XPA: variants seen among roughly 807,000 people sequenced by gnomAD.
XPA encodes XPA, DNA damage recognition and repair factor, also known as DNA repair protein complementing XP-A cells.
In XPA, 27 loss-of-function variants were observed where a neutral mutation model predicts 35.7. The observed-to-expected ratio is 0.76, with a 90% confidence interval of 0.56 to 1.04. The LOEUF is 1.04. Among genes scored for constraint, XPA ranks in the 50% least tolerant of loss-of-function variants. The pLI, the probability that XPA is intolerant of heterozygous loss-of-function variation, is 0.00. For synonymous variants in XPA, 133 were observed against 118.4 expected, an observed-to-expected ratio of 1.12 and a Z score of -0.80; for missense variants, 354 against 342.7, an observed-to-expected ratio of 1.03 and a Z score of -0.26.
chr9:97,670,480 A>G (rs1828156284), downstream of XPA, among the ~76,000 whole-genome samples: 1 of 152,052 alleles, frequency 6.6e-6, no homozygotes, highest in South Asian at 2.1e-4. Context: ...TTCGGACACT[A>G]CTCCCCTAAA....
At chr9:97,691,886 AATAT>A (rs55944336) in intron 2 of XPA, among the ~76,000 whole-genome samples, 30,767 of 124,332 alleles carry the variant, frequency 0.25, 3,850 homozygotes, top group Non-Finnish European at 0.3. Context: ...TTTCTAAATA[AATAT>A]ATATATATAT....
chr9:97,687,085 T>C lies in XPA; in HGVS notation c.555+11A>G. 6.2e-7 allele frequency: 1 copy of C among 1,604,564 alleles called. No individual in the cohort carries two copies. The highest frequency in any genetic ancestry group is 8.5e-7 in the Non-Finnish European group (1 of 1,177,134). ...CAGAGTGAAAAATAATAAATACAAC[T>C]TATTAGAGACCTGTAACTTTAAGTA... On this transcript the variant is annotated intron_variant, in intron 4 of 5. Coordinates refer to ENST00000375128, the MANE Select transcript of XPA (RefSeq NM_000380.4).
chr9:97,671,897 A>AG (rs1241886819), downstream of XPA: 1 of 152,202 alleles, frequency 6.6e-6, no homozygotes, highest in Non-Finnish European at 1.5e-5. Flanking sequence ...TAATCCTTAA[A>AG]GTTTCCCCAG....
chr9:97,655,023 T>C, the XPA span: 1 of 1,200,738 alleles, frequency 8.3e-7, no homozygotes, highest in Non-Finnish European at 1.1e-6. Context: ...GAGAAAGACA[T>C]TTTTAAGAAT....
intron 5 of XPA, among the ~76,000 whole-genome samples, chr9:97,676,614 G>A (rs930146611): frequency 5.9e-5 from 9 of 152,080 alleles, no homozygotes; most frequent in African/African-American, 2.2e-4. Flanking sequence ...CAGCTTTTAT[G>A]AGGATGAAAA....
chr9:97,660,089 A>AAT, the XPA span, among the ~76,000 whole-genome samples: 3 of 152,286 alleles, frequency 2.0e-5, no homozygotes, highest in South Asian at 6.2e-4. Context: ...GTCTAATGTG[A>AAT]ATATCTTGGT....
the XPA span, chr9:97,654,764 G>C: frequency 8.9e-6 from 8 of 898,520 alleles, no homozygotes; most frequent in Non-Finnish European, 3.5e-6. Context: ...TGTGTGAAAA[G>C]ATGTTCAGCA....
chr9:97,663,348 A>C, the XPA span, among the ~76,000 whole-genome samples: 1 of 152,228 alleles, frequency 6.6e-6, no homozygotes, highest in Non-Finnish European at 1.5e-5. Flanking sequence ...AAACCTTGAT[A>C]TATATTGTGT....
rs1438842805 is a variant in XPA at position 97,687,132 on chromosome 9, T to C, written c.519A>G (p.Ser173=). 6.2e-7 allele frequency: 1 copy of C among 1,612,730 alleles called. No homozygotes were observed. The highest frequency in any genetic ancestry group is 8.5e-7 in the Non-Finnish European group (1 of 1,179,664). The stretch of plus-strand genomic sequence containing the variant: ...AGTAGAGTTTCATATCACCCCATTG[T>C]GAATGATGTGGATTCTTCTTCACAA... ...KFIVKKNPHH[S]QWGDMKLYLK... Residue 173 remains serine (S), a synonymous_variant, in exon 4 of 6, where the codon TCA becomes TCG. Coordinates refer to ENST00000375128, the MANE Select transcript of XPA (RefSeq NM_000380.4).
chr9:97,680,777 G>A (rs1366193215), intron 5 of XPA, among the ~76,000 whole-genome samples: 1 of 152,156 alleles, frequency 6.6e-6, no homozygotes, highest in African/African-American at 2.4e-5. Flanking sequence ...TTAAAAACAA[G>A]GTAAGGCTTT....
intron 4 of XPA, among the ~76,000 whole-genome samples, chr9:97,686,493 A>C (rs1828721054): frequency 6.6e-6 from 1 of 152,222 alleles, no homozygotes. Flanking sequence ...TTTTTTTAAA[A>C]TATTTCTTTT....
At chr9:97,678,260 A>C (rs759927516) in intron 5 of XPA, among the ~76,000 whole-genome samples, 1 of 152,036 alleles carries the variant, frequency 6.6e-6, no homozygotes, top group Non-Finnish European at 1.5e-5. Flanking sequence ...AATTAGCTGG[A>C]CATGGTGGCA....
At chr9:97,671,178 G>A (rs753362573), downstream of XPA, 26 of 1,611,816 alleles carry the variant, frequency 1.6e-5, no homozygotes, top group South Asian at 2.1e-4. Context: ...TGTTCCAGCA[G>A]TTCTGTGCCC....
At chr9:97,662,403 T>C in the XPA span, among the ~76,000 whole-genome samples, 28 of 152,324 alleles carry the variant, frequency 1.8e-4, no homozygotes, top group South Asian at 4.1e-4. Context: ...ACCTAGGTTT[T>C]TGGGACAGTC....
downstream of XPA, chr9:97,672,050 G>A (rs1358187073): frequency 6.6e-6 from 1 of 152,178 alleles, no homozygotes; most frequent in Non-Finnish European, 1.5e-5. Flanking sequence ...ACTATACCCT[G>A]AATTAGATGT....
intron 4 of XPA, among the ~76,000 whole-genome samples, chr9:97,686,728 A>C (rs764743981): frequency 6.6e-6 from 1 of 152,086 alleles, no homozygotes; most frequent in Non-Finnish European, 1.5e-5. Flanking sequence ...GGAGTTCGAG[A>C]CCAGCCTGGG....
chr9:97,679,104 A>G (rs577993143), intron 5 of XPA, among the ~76,000 whole-genome samples: 1 of 152,356 alleles, frequency 6.6e-6, no homozygotes, highest in African/African-American at 2.4e-5. Flanking sequence ...CAGATTAGAC[A>G]TAAATACTAA....
At chr9:97,670,160 AGGCCTCC>A (rs1488433025), downstream of XPA, 1 of 243,206 alleles carries the variant, frequency 4.1e-6, no homozygotes, top group Non-Finnish European at 8.3e-6. Flanking sequence ...TGACCTCAGG[AGGCCTCC>A]GCCTCCCAAA....
At chr9:97,675,610 A>G (rs922876150) in intron 5 of XPA, 23 bp from the exon 6 acceptor site, 4 of 1,613,758 alleles carry the variant, frequency 2.5e-6, no homozygotes, top group Admixed American at 1.7e-5. Flanking sequence ...TTTTAAAGTC[A>G]TCTTTTCAGT....
Sources: gnomAD v4.1 joint callset for allele counts (sites outside exome capture counted in the v4.1 genomes callset) on GRCh38, gnomAD v4.1.1 for gene constraint, MANE v1.5 for transcripts, NCBI Gene and HGNC (gene_info 2026-07-23, HGNC 2026-07-21) for gene names.